The following PPM1M variants were observed in gnomAD, a reference collection of about 807,000 sequenced individuals.
PPM1M encodes the protein protein phosphatase, Mg2+/Mn2+ dependent 1M, also known as protein phosphatase 1M.
In PPM1M, 44 loss-of-function variants were observed where a neutral mutation model predicts 50.8. That is an observed-to-expected ratio of 0.87 (90% CI 0.68 to 1.11). PPM1M has a LOEUF of 1.11. PPM1M is among the 50% of genes most tolerant of loss of function. The probability of loss-of-function intolerance (pLI) is 0.00; values close to 1 mark genes in which losing one functional copy is unlikely to be tolerated. For synonymous variants in PPM1M, 224 were observed against 242.9 expected, an observed-to-expected ratio of 0.92 and a Z score of 0.72; for missense variants, 556 against 593.4, an observed-to-expected ratio of 0.94 and a Z score of 0.66.
Position 52,249,267 on chromosome 3 carries a change from C to T in PPM1M, c.1180C>T (p.Gln394Ter), listed in dbSNP as rs1323125495. 6.2e-7 allele frequency: 1 copy of T among 1,613,610 alleles called. No homozygotes were observed. Among genetic ancestry groups the T allele is most frequent in the Non-Finnish European group, 8.5e-7 (1 of 1,179,750 alleles). ...ACTCTGGGATGTACTGTCCAACGAG[C>T]AGGTGGCATGGCTGGTGCGGAGCTT... is the stretch of plus-strand genomic sequence containing the variant. ...DGLWDVLSNE[Q>*]VAWLVRSFLP... The change falls in exon 9 of 10, where the codon CAG (glutamine) becomes TAG (stop). Residue 394 changes from glutamine to a stop codon, truncating the protein, a stop_gained. Transcript: ENST00000323588. LOFTEE classifies it high-confidence loss of function.
At position 52,249,687 on chromosome 3, in the gene PPM1M, A is replaced by G; in HGVS notation, c.1253A>G (p.Gln418Arg). The change falls in exon 10 of 10, where the codon CAG becomes CGG. Residue 418 changes from glutamine (Q) to arginine (R), a missense_variant. Coordinates refer to ENST00000323588, the MANE Select transcript of PPM1M (RefSeq NM_144641.4). The part of the protein sequence containing the change: ...EDPHRFSKLA[Q>R]MLIHSTQGKE... The stretch of plus-strand genomic sequence containing the variant: ...CTTCACAGGTTCTCAAAGCTGGCCC[A>G]GATGCTGATACACAGCACACAGGGA... 6.2e-7 allele frequency: 1 copy of G among 1,613,916 alleles called. No homozygotes were observed. Among genetic ancestry groups the G allele is most frequent in the Non-Finnish European group, 8.5e-7 (1 of 1,179,858 alleles).
chr3:52,249,526 T>TCCCA, intron 9 of PPM1M, 144 bp from the exon 10 acceptor site: 1 of 1,344,282 alleles, frequency 7.4e-7, no homozygotes, highest in Admixed American at 2.0e-5. Flanking sequence ...CCCGTGGCCC[T>TCCCA]CCCAGACTTG....
Position 52,246,752 on chromosome 3 carries a change from G to C in PPM1M, c.282G>C (p.Leu94=), listed in dbSNP as rs1350777577. The change falls in exon 2 of 10, where the codon CTG becomes CTC. Residue 94 remains leucine, a synonymous_variant. Coordinates refer to ENST00000323588, the MANE Select transcript of PPM1M (RefSeq NM_144641.4). Reference sequence around the variant, plus strand: ...AGGATCAAGCCGCCTGTGGGAAGCTGTGCATCCGGAGATGTGAGTTTGGGG... The same window carrying C: ...AGGATCAAGCCGCCTGTGGGAAGCTCTGCATCCGGAGATGTGAGTTTGGGG... The part of the protein sequence containing the change: ...FNEDQAACGK[L]CIRRCEFGAE... 7.5e-7 allele frequency: 1 copy of C among 1,334,526 alleles called. No homozygotes were observed. The allele number at this position is 1,334,526 out of a possible 1,614,324, so 82.7% of individuals were successfully genotyped here.
Position 52,247,275 on chromosome 3 carries a change from G to A in PPM1M, c.597+47G>A, listed in dbSNP as rs376242518. Reference sequence around the variant, plus strand: ...GGGGAAGAAGTGGAGATTTTGCCCCGGGGATCTCAGGAAATGGCATCTCTG... The same window carrying A: ...GGGGAAGAAGTGGAGATTTTGCCCCAGGGATCTCAGGAAATGGCATCTCTG... On this transcript the variant is annotated intron_variant, in intron 3 of 9. Transcript: ENST00000323588. The A allele has an allele frequency of 2.2e-4, 338 of 1,553,398 alleles. 4 individuals carry two copies. In the South Asian group the frequency reaches 3.6e-3, roughly 17 times the overall value.
In PPM1M at chr3:52,245,927, C is replaced by T; in HGVS notation, c.103C>T (p.Arg35Cys). ...HASPVPYRRPRFLRGSSSSPG... is the reference protein window; with the variant it reads ...HASPVPYRRPCFLRGSSSSPG... ...CAGCCCCGTGCCCTACCGACGGCCC[C>T]GCTTCCTTCGCGGCTCCAGCTCCAG... The change falls in exon 1 of 10, where the codon CGC becomes TGC. Residue 35 changes from arginine (R) to cysteine (C), a missense_variant. By Grantham distance (180) the Arg-to-Cys change is radical. Transcript: ENST00000323588. This position sits in a 1 kb window ranked among gnomAD's most constrained non-coding sequence, Gnocchi z 4.8. 8.1e-7 allele frequency: 1 copy of T among 1,239,798 alleles called. No individual in the cohort carries two copies. The highest frequency in any genetic ancestry group is 1.0e-6 in the Non-Finnish European group (1 of 966,338). 76.8% of individuals were successfully genotyped at this position (1,239,798 alleles called of 1,614,324 possible).
At chr3:52,246,327 C>CA (rs1699855789) in intron 1 of PPM1M, 1 of 1,036,888 alleles carries the variant, frequency 9.6e-7, no homozygotes, top group Admixed American at 5.3e-5. Flanking sequence ...AGAGTTCCAG[C>CA]ATTCGGGGCT....
rs1260939677 is a variant in PPM1M at position 52,247,779 on chromosome 3, A to T, written c.695A>T (p.Asn232Ile). The change falls in exon 4 of 10, where the codon AAT (asparagine) becomes ATT (isoleucine). Residue 232 changes from asparagine (N) to isoleucine (I), a missense_variant. Transcript: ENST00000323588. ...CTGCAGGGAAAGCTGTACATGGCCA[A>T]TGCTGGGGATAGCAGGTGAGTCACC... is the stretch of plus-strand genomic sequence containing the variant. ...VSLQGKLYMANAGDSRAILVR... is the reference protein window; with the variant it reads ...VSLQGKLYMAIAGDSRAILVR... 2.4e-6 allele frequency: 3 copies of T among 1,273,924 alleles called. No homozygotes were observed. The highest frequency in any genetic ancestry group is 1.1e-6 in the Non-Finnish European group (1 of 945,166). 78.9% of individuals were successfully genotyped at this position (1,273,924 alleles called of 1,614,324 possible).
chr3:52,245,809 C>A lies in PPM1M; in HGVS notation c.-16C>A. On this transcript the variant is annotated 5_prime_UTR_variant, in exon 1 of 10. Transcript: ENST00000323588. The surrounding 1 kb of genome is among the most constrained non-coding windows in gnomAD (Gnocchi z 4.8). Reference sequence around the variant, plus strand: ...TAGCGCCCCGCGCTCCGCGGGCAGCCCCCTGCCGCCGCGCCATGTCCGCCG... The same window carrying A: ...TAGCGCCCCGCGCTCCGCGGGCAGCACCCTGCCGCCGCGCCATGTCCGCCG... 1 of 1,016,710 alleles carries A rather than the reference C, an allele frequency of 9.8e-7. No homozygotes were observed. Among genetic ancestry groups the A allele is most frequent in the South Asian group, 3.8e-5 (1 of 26,554 alleles). The allele number at this position is 1,016,710 out of a possible 1,614,324, so 63.0% of individuals were successfully genotyped here.
chr3:52,249,065 T>C lies in PPM1M; in HGVS notation c.1086+2T>C. ...CCCTTCTTGCTCTCTGTGCCACAGG[T>C]AAGGGGGCAACGCTGTCCAACCCAG... On this transcript the variant is annotated splice_donor_variant, in intron 8 of 9. Transcript: ENST00000323588. LOFTEE classifies it high-confidence loss of function. The C allele has an allele frequency of 1.9e-6, 3 of 1,608,620 alleles. No individual in the cohort carries two copies. Among genetic ancestry groups the C allele is most frequent in the Non-Finnish European group, 2.5e-6 (3 of 1,177,432 alleles).
In PPM1M at chr3:52,246,740, C is replaced by A. The variant is rs1158739551; in HGVS notation, c.270C>A (p.Ala90=). The change falls in exon 2 of 10, where the codon GCC becomes GCA. Residue 90 remains alanine, a synonymous_variant. Transcript: ENST00000323588. The stretch of plus-strand genomic sequence containing the variant: ...CTGAATTCAATGAGGATCAAGCCGC[C>A]TGTGGGAAGCTGTGCATCCGGAGAT... ...EKSEFNEDQA[A]CGKLCIRRCE... 7.5e-7 allele frequency: 1 copy of A among 1,325,542 alleles called. No individual in the cohort carries two copies. The highest frequency in any genetic ancestry group is 1.2e-5 in the South Asian group (1 of 81,180). 82.1% of individuals were successfully genotyped at this position (1,325,542 alleles called of 1,614,324 possible).
Position 52,247,007 on chromosome 3 carries a change from G to A in PPM1M, c.376G>A (p.Gly126Arg), listed in dbSNP as rs1180358011. 1 of 1,548,396 alleles carries A rather than the reference G, an allele frequency of 6.5e-7. No individual in the cohort carries two copies. Among genetic ancestry groups the A allele is most frequent in the Non-Finnish European group, 8.7e-7 (1 of 1,146,086 alleles). The change falls in exon 3 of 10, where the codon GGG becomes AGG. Residue 126 changes from glycine to arginine, a missense_variant. Gly to Arg is a moderately radical substitution (Grantham distance 125, BLOSUM62 -2). Transcript: ENST00000323588. ...AGGCCATTACTGGGCACTGTTCGAT[G>A]GGCACGGCGGTCCTGCAGCAGCCAT... ...LTGHYWALFDGHGGPAAAILA... is the reference protein window; with the variant it reads ...LTGHYWALFDRHGGPAAAILA...
intron 1 of PPM1M, chr3:52,246,481 GCTCCAGA>G: frequency 1.6e-6 from 1 of 633,618 alleles, no homozygotes; most frequent in Non-Finnish European, 2.3e-6. Flanking sequence ...CACCAGGTAG[GCTCCAGA>G]GGAGCTGGGC....
chr3:52,247,082 G>A lies in PPM1M; in HGVS notation c.451G>A (p.Val151Met), dbSNP rs576937621. The change falls in exon 3 of 10, where the codon GTG (valine) becomes ATG (methionine). Residue 151 changes from valine to methionine, a missense_variant. Coordinates refer to ENST00000323588, the MANE Select transcript of PPM1M (RefSeq NM_144641.4). ...HSCLRRQLEA[V>M]VEGLVATQPP... is the part of the protein sequence containing the mutation. ...CTGCTTGCGCCGGCAGCTGGAGGCCGTGGTGGAAGGCTTGGTGGCCACTCA... is the reference window on the plus strand; with the variant it reads ...CTGCTTGCGCCGGCAGCTGGAGGCCATGGTGGAAGGCTTGGTGGCCACTCA... The A allele has an allele frequency of 1.6e-5, 25 of 1,583,422 alleles. No individual in the cohort carries two copies. The East Asian group carries it at 3.0e-4, about 19-fold the overall frequency.
chr3:52,249,135 G>T, intron 8 of PPM1M, 39 bp from the exon 9 acceptor site: 2 of 1,611,772 alleles, frequency 1.2e-6, no homozygotes. Flanking sequence ...GGTGGGAGTC[G>T]GGAAGGGAGT....
rs757069411 is a variant in PPM1M, at chr3:52,248,385, C to T, written c.846C>T (p.Phe282=). 1 of 1,613,630 alleles carries T rather than the reference C, an allele frequency of 6.2e-7. No homozygotes were observed. Among genetic ancestry groups the T allele is most frequent in the South Asian group, 1.1e-5 (1 of 91,026 alleles). Residue 282 remains phenylalanine (F), a synonymous_variant, in exon 6 of 10, where the codon TTC becomes TTT. Coordinates refer to ENST00000323588, the MANE Select transcript of PPM1M (RefSeq NM_144641.4). ...LLAGEFTRLE[F]PRRLKGDDLG... ...CTGGTGAGTTCACCCGACTGGAGTT[C>T]CCTCGGCGGCTGAAGGGGGATGACT...
At chr3:52,246,496 G>C in intron 1 of PPM1M, 199 bp from the exon 2 acceptor site, 1 of 572,568 alleles carries the variant, frequency 1.7e-6, no homozygotes, top group Non-Finnish European at 2.6e-6. Flanking sequence ...AGAGGAGCTG[G>C]GCCCTGACTT....
chr3:52,248,652 G>A lies in PPM1M; in HGVS notation c.930G>A (p.Val310=), dbSNP rs535627330. The A allele has an allele frequency of 2.8e-5, 45 of 1,613,880 alleles. No individual in the cohort carries two copies. The South Asian group carries it at 4.7e-4, about 17-fold the overall frequency. ...HHMSGWSYKR[V]EKSDLKYPLI... is the part of the protein sequence containing the mutation. Reference sequence around the variant, plus strand: ...CTCCTGGTAGGAGCTACAAACGTGTGGAGAAATCGGATCTCAAGTACCCAC... The same window carrying A: ...CTCCTGGTAGGAGCTACAAACGTGTAGAGAAATCGGATCTCAAGTACCCAC... The change falls in exon 7 of 10, where the codon GTG becomes GTA. Residue 310 remains valine, a synonymous_variant. Transcript: ENST00000323588.
chr3:52,246,804 C>A lies in PPM1M; in HGVS notation c.334C>A (p.Pro112Thr), dbSNP rs1699864214. The A allele has an allele frequency of 7.1e-7, 1 of 1,404,232 alleles. No homozygotes were observed. The highest frequency in any genetic ancestry group is 1.2e-5 in the South Asian group (1 of 81,958). The allele number at this position is 1,404,232 out of a possible 1,614,324, so 87.0% of individuals were successfully genotyped here. ...GAEEEWLTLC[P>T]EEFLTGHYWA... ...TGAAGAAGAGTGGCTGACCCTGTGC[C>A]CAGAGGAGGTGAGTGCAGTCTGAGT... The change falls in exon 2 of 10, where the codon CCA becomes ACA. Residue 112 changes from proline to threonine, a missense_variant. Coordinates refer to ENST00000323588, the MANE Select transcript of PPM1M (RefSeq NM_144641.4).
chr3:52,248,748 C>T (rs777215638), intron 7 of PPM1M, 48 bp downstream of exon 7: 1 of 1,584,066 alleles, frequency 6.3e-7, no homozygotes, highest in South Asian at 1.1e-5. Context: ...TTCATTGTCC[C>T]CTGCAGAGGT....
Sources: allele counts gnomAD v4.1 joint callset, GRCh38; gene constraint gnomAD v4.1.1; non-coding constraint Gnocchi (gnomAD v3.1); transcripts MANE v1.5; gene names NCBI Gene and HGNC (gene_info 2026-07-23, HGNC 2026-07-21).